The following TEX15 variants were observed in gnomAD, a reference collection of about 807,000 sequenced individuals.
TEX15 encodes testis-expressed protein 15.
TEX15 carries 171 observed loss-of-function variants against 237.3 expected under a neutral mutation model. That is an observed-to-expected ratio of 0.72 (90% CI 0.64 to 0.82). The LOEUF (loss-of-function observed/expected upper bound fraction) is 0.82, where lower values mean the gene tolerates loss of function less well. TEX15 is among the 40% of genes least tolerant of loss of function. The probability of loss-of-function intolerance (pLI) is 0.00; values close to 1 mark genes in which losing one functional copy is unlikely to be tolerated. For synonymous variants in TEX15, 1,338 were observed against 1,269.8 expected (o/e 1.05, Z -1.14); for missense variants, 3,750 against 3,646.5 (o/e 1.03, Z -0.73).
At chr8:30,876,754 C>T (rs1808406460) in intron 3 of TEX15, among the ~76,000 whole-genome samples, 1 of 152,120 alleles carries the variant, frequency 6.6e-6, no homozygotes, top group African/African-American at 2.4e-5. Context: ...GTGAAATCAC[C>T]AACAAAAATG....
At chr8:30,897,371 C>T (rs900595337) in intron 2 of TEX15, among the ~76,000 whole-genome samples, 11 of 152,144 alleles carry the variant, frequency 7.2e-5, no homozygotes, top group African/African-American at 1.4e-4. Context: ...GTATGCAAGC[C>T]GATGCCTTAA....
Position 30,842,563 on chromosome 8 carries a change from G to C in TEX15, c.7604C>G (p.Ser2535Ter). 1 of 1,610,600 alleles carries C rather than the reference G, an allele frequency of 6.2e-7. No homozygotes were observed. Among genetic ancestry groups the C allele is most frequent in the Non-Finnish European group, 8.5e-7 (1 of 1,179,566 alleles). Reference sequence around the variant, plus strand: ...TCTTGAGAGCAAATGAATAGCATATGAGCAATTAACAGCTTCATTATATTT... The same window carrying C: ...TCTTGAGAGCAAATGAATAGCATATCAGCAATTAACAGCTTCATTATATTT... ...ICKYNEAVNC[S>*]YAIHLLSREL... Residue 2535 changes from serine to a stop codon, truncating the protein, a stop_gained, in exon 8 of 11, where the codon TCA (serine) becomes TGA (stop). Transcript: ENST00000643185. LOFTEE classifies it high-confidence loss of function.
intron 8 of TEX15, 111 bp downstream of exon 8, chr8:30,841,893 G>C (rs1369600106): frequency 5.9e-6 from 4 of 674,862 alleles, no homozygotes; most frequent in Non-Finnish European, 9.5e-6. Flanking sequence ...CATTTTGCCA[G>C]ACAATTTACC....
intron 7 of TEX15, among the ~76,000 whole-genome samples, chr8:30,856,424 T>C (rs890148381): frequency 3.3e-5 from 5 of 151,818 alleles, no homozygotes; most frequent in Non-Finnish European, 4.4e-5. Context: ...GGTGTGGTGG[T>C]GCGCACCTGT....
chr8:30,880,091 T>C (rs1808486713), intron 3 of TEX15, among the ~76,000 whole-genome samples: 1 of 152,192 alleles, frequency 6.6e-6, no homozygotes. Context: ...TGCAGTGGCG[T>C]GAGCTCAGCT....
At position 30,867,410 on chromosome 8, in the gene TEX15, T is replaced by C. The variant is rs1204051319; in HGVS notation, c.395A>G (p.Tyr132Cys). 6.5e-7 allele frequency: 1 copy of C among 1,534,652 alleles called. No individual in the cohort carries two copies. Among genetic ancestry groups the C allele is most frequent in the Non-Finnish European group, 8.7e-7 (1 of 1,145,814 alleles). Reference sequence around the variant, plus strand: ...TGCTCTGGTACTTATTCCATTCTGATATATCTGGGCTACATCACTCTGGGG... The same window carrying C: ...TGCTCTGGTACTTATTCCATTCTGACATATCTGGGCTACATCACTCTGGGG... ...ALPQSDVAQIYQNGISTRAST... is the reference protein window; with the variant it reads ...ALPQSDVAQICQNGISTRAST... Residue 132 changes from tyrosine to cysteine, a missense_variant, in exon 5 of 11, where the codon TAT (tyrosine) becomes TGT (cysteine). Physicochemically the swap from Tyr to Cys is radical, Grantham distance 194. Transcript: ENST00000643185.
chr8:30,864,000 G>T (rs1027817812), intron 5 of TEX15, among the ~76,000 whole-genome samples: 2 of 151,970 alleles, frequency 1.3e-5, no homozygotes, highest in Admixed American at 6.6e-5. Flanking sequence ...AGACCTGATG[G>T]CTGATCTACT....
chr8:30,895,846 A>C (rs1457758749), intron 2 of TEX15, among the ~76,000 whole-genome samples: 2 of 151,616 alleles, frequency 1.3e-5, no homozygotes, highest in Admixed American at 1.3e-4. Flanking sequence ...ACACCTGGCT[A>C]ATTTTTTGTA....
In TEX15 at chr8:30,845,703, A is replaced by G. The variant is rs1309938174; in HGVS notation, c.4464T>C (p.Ser1488=). The G allele has an allele frequency of 1.9e-6, 3 of 1,613,578 alleles. No individual in the cohort carries two copies. In the South Asian group the frequency reaches 3.3e-5, roughly 18 times the overall value. Residue 1488 remains serine (S), a synonymous_variant, in exon 8 of 11, where the codon TCT becomes TCC. Coordinates refer to ENST00000643185, the MANE Select transcript of TEX15 (RefSeq NM_001350162.2). The stretch of plus-strand genomic sequence containing the variant: ...AGACACTGCTAGCCATACTTTTCCT[A>G]GAAAGGCATTTTTTCTCTCCACTTG... ...YKTSGEKKCL[S]RKSMASSVSK...
At chr8:30,868,159 A>G (rs534707367) in intron 4 of TEX15, among the ~76,000 whole-genome samples, 245 of 152,208 alleles carry the variant, frequency 1.6e-3, no homozygotes, top group African/African-American at 5.4e-3. Context: ...ATTTGATTAC[A>G]GGATCTTATC....
chr8:30,897,505 C>T (rs1239398597), intron 2 of TEX15, among the ~76,000 whole-genome samples: 1 of 152,084 alleles, frequency 6.6e-6, no homozygotes, highest in Non-Finnish European at 1.5e-5. Flanking sequence ...TTTTAAATGT[C>T]AATAGTGGGT....
chr8:30,878,386 ATTTAT>A (rs1374482471), intron 3 of TEX15, among the ~76,000 whole-genome samples: 3 of 151,632 alleles, frequency 2.0e-5, no homozygotes, highest in African/African-American at 7.3e-5. Context: ...ATGCTTATTT[ATTTAT>A]TTTATTTTTG....
rs369329744 is a variant in TEX15, at chr8:30,846,795, A to G, written c.3372T>C (p.Asn1124=). The G allele has an allele frequency of 3.7e-6, 6 of 1,613,730 alleles. No individual in the cohort carries two copies. In the Admixed American group the frequency reaches 5.0e-5, roughly 13 times the overall value. Residue 1124 remains asparagine (N), a synonymous_variant, in exon 8 of 11, where the codon AAT becomes AAC. Coordinates refer to ENST00000643185, the MANE Select transcript of TEX15 (RefSeq NM_001350162.2). ...TTTCCTTAGAATAATGCTGATCACT[A>G]TTCTCCCTTCCTGTGGTGCTTTCCA... ...EVLESTTGRE[N]SDQHYSKESN...
intron 3 of TEX15, among the ~76,000 whole-genome samples, chr8:30,884,217 C>T (rs752166520): frequency 6.6e-6 from 1 of 152,124 alleles, no homozygotes; most frequent in African/African-American, 2.4e-5. Context: ...TTCTGACTTG[C>T]GTGAGATGGT....
rs771005515 is a variant in TEX15 at position 30,846,891 on chromosome 8, T to A, written c.3276A>T (p.Ser1092=). Residue 1092 remains serine (S), a synonymous_variant, in exon 8 of 11, where the codon TCA becomes TCT. Transcript: ENST00000643185. ...ENMLCEEFVT[S]YKALKSRISW... is the part of the protein sequence containing the mutation. ...TGATACGAGACTTCAGAGCCTTATA[T>A]GAGGTCACAAATTCTTCACAAAGCA... The A allele has an allele frequency of 6.2e-7, 1 of 1,613,868 alleles. No individual in the cohort carries two copies. The highest frequency in any genetic ancestry group is 1.1e-5 in the South Asian group (1 of 91,066).
In TEX15 at chr8:30,846,979, A is replaced by G. The variant is rs1229658998; in HGVS notation, c.3188T>C (p.Ile1063Thr). ...QSIELESEIE[I>T]ELEDCDDAFI... ...AGCATCATCACAATCTTCTAATTCT[A>G]TTTCAATTTCACTTTCCAATTCAAT... The change falls in exon 8 of 11, where the codon ATA (isoleucine) becomes ACA (threonine). Residue 1063 changes from isoleucine (I) to threonine (T), a missense_variant. Ile to Thr is a moderately conservative substitution (Grantham distance 89). Coordinates refer to ENST00000643185, the MANE Select transcript of TEX15 (RefSeq NM_001350162.2). 1.9e-5 allele frequency: 30 copies of G among 1,613,476 alleles called. No homozygotes were observed. The highest frequency in any genetic ancestry group is 2.5e-5 in the Non-Finnish European group (29 of 1,179,660).
intron 1 of TEX15, among the ~76,000 whole-genome samples, chr8:30,901,487 C>T (rs1809005737): frequency 1.3e-5 from 2 of 152,124 alleles, no homozygotes; most frequent in Non-Finnish European, 2.9e-5. Context: ...ATCCAAGTGA[C>T]AAGGAGTCAA....
chr8:30,896,196 T>TA (rs1277975128), intron 2 of TEX15, among the ~76,000 whole-genome samples: 1 of 152,076 alleles, frequency 6.6e-6, no homozygotes, highest in African/African-American at 2.4e-5. Flanking sequence ...TAGAAGTTAT[T>TA]AAAAAAAGTG....
chr8:30,898,309 C>T (rs1472136514), intron 2 of TEX15, among the ~76,000 whole-genome samples: 1 of 151,856 alleles, frequency 6.6e-6, no homozygotes, highest in Admixed American at 6.5e-5. Context: ...CGAGAACAGA[C>T]CCCTCGTGAA....
Sources: gnomAD v4.1 joint callset for allele counts (sites outside exome capture counted in the v4.1 genomes callset) on GRCh38, gnomAD v4.1.1 for gene constraint, MANE v1.5 for transcripts, NCBI Gene and HGNC (gene_info 2026-07-23, HGNC 2026-07-21) for gene names.